The following CEP85L variants were observed in gnomAD, a reference collection of about 807,000 sequenced individuals.
The protein encoded by CEP85L is centrosomal protein of 85 kDa-like.
Under a neutral mutation model 100.3 loss-of-function variants are expected in CEP85L, and 60 were observed. The ratio of observed to expected loss-of-function variants is 0.60; its 90% CI spans 0.49 to 0.74. CEP85L has a LOEUF of 0.74. Among genes scored for constraint, CEP85L ranks in the 30% least tolerant of loss-of-function variants. The pLI, the probability that CEP85L is intolerant of heterozygous loss-of-function variation, is 0.00. For synonymous variants in CEP85L, 319 were observed against 322.7 expected (o/e 0.99, Z 0.12); for missense variants, 973 against 936.2 (o/e 1.04, Z -0.51).
At chr6:118,537,740 T>G in intron 3 of CEP85L, 2 of 985,332 alleles carry the variant, frequency 2.0e-6, no homozygotes, top group Non-Finnish European at 2.4e-6. Flanking sequence ...ACTGTTAAAT[T>G]TAGATAATCC....
intron 2 of CEP85L, among the ~76,000 whole-genome samples, chr6:118,624,892 A>T (rs989752637): frequency 6.6e-6 from 1 of 152,252 alleles, no homozygotes; most frequent in African/African-American, 2.4e-5. Flanking sequence ...TTTCCGGGTT[A>T]CAAAAGACTC....
At chr6:118,641,328 T>C (rs977759149) in intron 1 of CEP85L, among the ~76,000 whole-genome samples, 1 of 152,220 alleles carries the variant, frequency 6.6e-6, no homozygotes, top group Non-Finnish European at 1.5e-5. Flanking sequence ...TCTATCTCTA[T>C]GATCTGCAAA....
intron 3 of CEP85L, among the ~76,000 whole-genome samples, chr6:118,561,909 T>C (rs888782159): frequency 4.6e-5 from 7 of 152,162 alleles, no homozygotes; most frequent in Admixed American, 2.6e-4. Flanking sequence ...TATTTATCTT[T>C]TGATTATTTT....
intron 1 of CEP85L, among the ~76,000 whole-genome samples, chr6:118,671,118 A>G (rs1224725419): frequency 1.3e-5 from 2 of 152,180 alleles, no homozygotes; most frequent in African/African-American, 2.4e-5. Context: ...TGGAGAAACT[A>G]TGTTATCGTA....
rs1268193203 is a variant in CEP85L, at chr6:118,465,585, T to C, written c.2255-17A>G. 3.1e-6 allele frequency: 5 copies of C among 1,599,496 alleles called. No homozygotes were observed. The East Asian group carries it at 6.7e-5, about 21-fold the overall frequency. ...AGTTCATTGCTGTGTAAATAAAACA[T>C]AGAGAGAATATCTCACATTTTTTTG... On this transcript the variant is annotated splice_polypyrimidine_tract_variant and intron_variant, in intron 12 of 12. Transcript: ENST00000368491.
intron 5 of CEP85L, among the ~76,000 whole-genome samples, chr6:118,494,799 C>CA (rs1279964128): frequency 6.6e-6 from 1 of 151,922 alleles, no homozygotes; most frequent in Non-Finnish European, 1.5e-5. Context: ...CGCAAAAAGG[C>CA]AAAAAACGCA....
chr6:118,596,986 G>T lies in CEP85L; in HGVS notation c.233-30670C>A, dbSNP rs189847761. 3.9e-5 allele frequency among the ~76,000 whole-genome samples: 6 copies of T among 152,262 alleles called. No individual in the cohort carries two copies. The East Asian group carries it at 7.7e-4, about 20-fold the overall frequency. Reference sequence around the variant, plus strand: ...TGGGAGGTAATTTCATCATGGGGGCGGCTGCCCCATGCTGTTCTCATGATA... The same window carrying T: ...TGGGAGGTAATTTCATCATGGGGGCTGCTGCCCCATGCTGTTCTCATGATA... On this transcript the variant is annotated intron_variant, in intron 2 of 12. Transcript: ENST00000368491.
Position 118,511,414 on chromosome 6 carries a change from G to A in CEP85L, c.1141C>T (p.Gln381Ter). ...TGCAGGTGGGTAATTTGTTGCTTCT[G>A]CCTGCAAAACATAAATTAAGGTCAC... ...LRQKEIVIDR[Q>*]KQQITHLHER... The change falls in exon 5 of 13, where the codon CAG becomes TAG. Residue 381 changes from glutamine (Q) to a stop codon, truncating the protein, a stop_gained and splice_region_variant. Coordinates refer to ENST00000368491, the MANE Select transcript of CEP85L (RefSeq NM_001042475.3). LOFTEE classifies it high-confidence loss of function. 6.3e-7 allele frequency: 1 copy of A among 1,595,504 alleles called. No individual in the cohort carries two copies. Among genetic ancestry groups the A allele is most frequent in the Non-Finnish European group, 8.6e-7 (1 of 1,164,056 alleles).
At chr6:118,480,267 C>A in intron 9 of CEP85L, 129 bp downstream of exon 9, 1 of 526,950 alleles carries the variant, frequency 1.9e-6, no homozygotes, top group South Asian at 4.0e-5. Context: ...AACATTCAAA[C>A]TAGAAACTAT....
chr6:118,549,851 A>G (rs1036287055), intron 3 of CEP85L, among the ~76,000 whole-genome samples: 6 of 151,900 alleles, frequency 3.9e-5, no homozygotes, highest in African/African-American at 1.4e-4. Context: ...GATAGAGCAG[A>G]AATTATATTA....
At chr6:118,497,935 T>G (rs966606535) in intron 5 of CEP85L, among the ~76,000 whole-genome samples, 1 of 152,260 alleles carries the variant, frequency 6.6e-6, no homozygotes, top group South Asian at 2.1e-4. Context: ...TGTGCATGTA[T>G]GTATACATAT....
At chr6:118,696,557 T>C (rs1354786267) in intron 1 of CEP85L, among the ~76,000 whole-genome samples, 1 of 152,212 alleles carries the variant, frequency 6.6e-6, no homozygotes, top group Non-Finnish European at 1.5e-5. Flanking sequence ...TGCATCCAAG[T>C]TGCTGTAGAC....
intron 1 of CEP85L, among the ~76,000 whole-genome samples, chr6:118,681,739 T>C (rs1776666366): frequency 7.2e-6 from 1 of 138,938 alleles, no homozygotes; most frequent in Admixed American, 7.4e-5. Flanking sequence ...TATTCTATTA[T>C]AATTATTTCT....
At chr6:118,625,162 C>T (rs1452552665) in intron 2 of CEP85L, among the ~76,000 whole-genome samples, 1 of 152,216 alleles carries the variant, frequency 6.6e-6, no homozygotes. Context: ...GCATGACTCC[C>T]AATAGAAACA....
intron 1 of CEP85L, chr6:118,664,337 G>A (rs749609499): frequency 6.6e-6 from 1 of 152,170 alleles, no homozygotes; most frequent in Non-Finnish European, 1.5e-5. Flanking sequence ...AAAATAGTGA[G>A]ACAGATATGA....
At chr6:118,571,564 C>G (rs150731256) in intron 2 of CEP85L, among the ~76,000 whole-genome samples, 1 of 152,202 alleles carries the variant, frequency 6.6e-6, no homozygotes, top group East Asian at 1.9e-4. Flanking sequence ...TTGATTCTAT[C>G]TTCTCTTATA....
chr6:118,648,638 A>T (rs1484264242), intron 1 of CEP85L, among the ~76,000 whole-genome samples: 1 of 149,738 alleles, frequency 6.7e-6, no homozygotes, highest in Non-Finnish European at 1.5e-5. Flanking sequence ...GCTACTCGGG[A>T]GGCTGAGGCA....
In CEP85L at chr6:118,699,709, T is replaced by C. The variant is rs189559507; in HGVS notation, c.-28+10327A>G. Among the ~76,000 whole-genome samples, 63 of 152,228 alleles carry C rather than the reference T, an allele frequency of 4.1e-4. 2 individuals carry two copies. In the East Asian group the frequency reaches 7.9e-3, roughly 19 times the overall value. On this transcript the variant is annotated intron_variant, in intron 1 of 13. Transcript: ENST00000368488. ...TTACTACTATTATTATTATTATTTT[T>C]GAGACAGAGTCTCACTCTGTCATGC...
At chr6:118,648,836 G>C (rs1184257745) in intron 1 of CEP85L, among the ~76,000 whole-genome samples, 2 of 151,308 alleles carry the variant, frequency 1.3e-5, no homozygotes, top group African/African-American at 4.9e-5. Flanking sequence ...ACCAGTTTCA[G>C]GACAGCTTGA....
Sources: allele counts gnomAD v4.1 joint callset (sites outside exome capture counted in the v4.1 genomes callset), GRCh38; gene constraint gnomAD v4.1.1; transcripts MANE v1.5; gene names NCBI Gene and HGNC (gene_info 2026-07-23, HGNC 2026-07-21).